The following ZNF251 variants were observed in gnomAD, a reference collection of about 807,000 sequenced individuals.
The protein encoded by ZNF251 is zinc finger protein 251.
ZNF251 carries 14 observed loss-of-function variants against 13.5 expected under a neutral mutation model. That is an observed-to-expected ratio of 1.04 (90% CI 0.69 to 1.63). ZNF251 has a LOEUF of 1.63. Among genes scored for constraint, ZNF251 ranks in the 40% most tolerant of loss-of-function variants. The pLI, the probability that ZNF251 is intolerant of heterozygous loss-of-function variation, is 0.00. For missense variants in ZNF251, 764 were observed against 834.9 expected (o/e 0.92, Z 1.05); for synonymous variants, 287 against 295.2 (o/e 0.97, Z 0.28).
At chr8:144,726,194 C>CAAA (rs35542133) in intron 4 of ZNF251, among the ~76,000 whole-genome samples, 452 of 51,856 alleles carry the variant, frequency 8.7e-3, no homozygotes, top group Non-Finnish European at 9.8e-3. Context: ...GACTCTGTCT[C>CAAA]AAAAAAAAAA....
rs1398609465 is a variant in ZNF251 at position 144,755,410 on chromosome 8, T to C, written c.-81A>G. ...CTGGTCCGACACTGCCCCACCTGTTTGCTCGACCCGGGGAAGCCACCGAGG... is the reference window on the plus strand; with the variant it reads ...CTGGTCCGACACTGCCCCACCTGTTCGCTCGACCCGGGGAAGCCACCGAGG... On this transcript the variant is annotated 5_prime_UTR_variant, in exon 1 of 5. Transcript: ENST00000292562. 3.9e-6 allele frequency: 5 copies of C among 1,288,210 alleles called. No individual in the cohort carries two copies. The African/African-American group carries it at 7.6e-5, about 20-fold the overall frequency. 79.8% of individuals were successfully genotyped at this position (1,288,210 alleles called of 1,614,324 possible).
intron 4 of ZNF251, among the ~76,000 whole-genome samples, chr8:144,749,751 A>T (rs1026502339): frequency 6.6e-6 from 1 of 152,162 alleles, no homozygotes; most frequent in African/African-American, 2.4e-5. Flanking sequence ...GTCCACTTTC[A>T]AATAACAATC....
At chr8:144,747,353 A>AGT (rs148034095) in intron 4 of ZNF251, among the ~76,000 whole-genome samples, 5,528 of 152,272 alleles carry the variant, frequency 0.036, 340 homozygotes, top group African/African-American at 0.13. Context: ...AGTATGTTAA[A>AGT]GTGTTTTGTG....
intron 4 of ZNF251, among the ~76,000 whole-genome samples, chr8:144,741,123 C>T (rs1313966440): frequency 1.3e-5 from 2 of 152,188 alleles, no homozygotes; most frequent in Admixed American, 6.5e-5. Flanking sequence ...GCATCGCAAA[C>T]GCAGACGGGC....
In ZNF251 at chr8:144,755,388, G is replaced by C; in HGVS notation, c.-76+17C>G. 7.8e-7 allele frequency: 1 copy of C among 1,288,174 alleles called. No individual in the cohort carries two copies. The highest frequency in any genetic ancestry group is 3.0e-4 in the Middle Eastern group (1 of 3,312). 79.8% of individuals were successfully genotyped at this position (1,288,174 alleles called of 1,614,324 possible). On this transcript the variant is annotated intron_variant, in intron 1 of 4. Coordinates refer to ENST00000292562, the MANE Select transcript of ZNF251 (RefSeq NM_138367.2). ...CCTGCCCGCTTGGCGCTCCTTCCTGGTCCGACACTGCCCCACCTGTTTGCT... is the reference window on the plus strand; with the variant it reads ...CCTGCCCGCTTGGCGCTCCTTCCTGCTCCGACACTGCCCCACCTGTTTGCT...
chr8:144,737,764 A>G (rs1037531934), intron 4 of ZNF251, among the ~76,000 whole-genome samples: 47 of 144,472 alleles, frequency 3.3e-4, no homozygotes, highest in African/African-American at 5.9e-4. Context: ...CCCGGGAGGC[A>G]GAGCTTGCAG....
chr8:144,722,278 TA>T lies in ZNF251; in HGVS notation c.1381del (p.Tyr461ThrfsTer126). Reference protein sequence around the residue: ...HRRVHTGEKPYQCVECGKAFS... With the variant: ...HRRVHTGEKPXQCVECGKAFS... ...AGCTTTCCCACATTCAACGCACTGGTAGGGCTTCTCCCCAGTGTGAACTCTT... is the reference window on the plus strand; with the variant it reads ...AGCTTTCCCACATTCAACGCACTGGTGGGCTTCTCCCCAGTGTGAACTCTT... On this transcript the variant is annotated frameshift_variant, in exon 5 of 5. Coordinates refer to ENST00000292562, the MANE Select transcript of ZNF251 (RefSeq NM_138367.2). LOFTEE classifies it low-confidence loss of function (END_TRUNC). This position sits in a 1 kb window ranked among gnomAD's most constrained non-coding sequence, Gnocchi z 4.8. The T allele has an allele frequency of 6.2e-7, 1 of 1,613,758 alleles. No homozygotes were observed. Among genetic ancestry groups the T allele is most frequent in the Non-Finnish European group, 8.5e-7 (1 of 1,179,912 alleles).
chr8:144,749,491 T>TA (rs752069646), intron 4 of ZNF251, among the ~76,000 whole-genome samples: 11 of 150,276 alleles, frequency 7.3e-5, no homozygotes, highest in East Asian at 3.9e-4. Flanking sequence ...CTCAAAAAAA[T>TA]AAAAAAAAAA....
chr8:144,753,658 G>C, intron 4 of ZNF251, 25 bp downstream of exon 4: 1 of 1,541,158 alleles, frequency 6.5e-7, no homozygotes. Flanking sequence ...GCTGCTCCCA[G>C]GATTAGCATC....
At chr8:144,738,681 C>T (rs1450941850) in intron 4 of ZNF251, 8 of 985,202 alleles carry the variant, frequency 8.1e-6, no homozygotes, top group Admixed American at 6.1e-5. Flanking sequence ...ACAGTTCTCT[C>T]GTTCAAGGCA....
At position 144,721,776 on chromosome 8, in the gene ZNF251, C is replaced by T; in HGVS notation, c.1884G>A (p.Gly628=). ...GQKPCHCSVY[G]KAFSQSSQLT... Reference sequence around the variant, plus strand: ...GCTGTGAACTCTGGCTGAAGGCTTTCCCATACACACTGCAATGACATGGTT... The same window carrying T: ...GCTGTGAACTCTGGCTGAAGGCTTTTCCATACACACTGCAATGACATGGTT... Residue 628 remains glycine (G), a synonymous_variant, in exon 5 of 5, where the codon GGG becomes GGA. Coordinates refer to ENST00000292562, the MANE Select transcript of ZNF251 (RefSeq NM_138367.2). 1 of 1,475,936 alleles carries T rather than the reference C, an allele frequency of 6.8e-7. No individual in the cohort carries two copies. Among genetic ancestry groups the T allele is most frequent in the East Asian group, 2.3e-5 (1 of 43,502 alleles). 91.4% of individuals were successfully genotyped at this position (1,475,936 alleles called of 1,614,324 possible). A position where few individuals can be genotyped will look rare whatever the true frequency, so the allele number is the denominator to read the frequency against.
intron 4 of ZNF251, among the ~76,000 whole-genome samples, chr8:144,724,116 C>A (rs989297526): frequency 6.6e-6 from 1 of 151,938 alleles, no homozygotes; most frequent in African/African-American, 2.4e-5. Context: ...AGGTGGCAGG[C>A]GCCCGTAGTC....
intron 4 of ZNF251, among the ~76,000 whole-genome samples, chr8:144,729,160 T>A (rs952712035): frequency 6.6e-6 from 1 of 150,852 alleles, no homozygotes; most frequent in Admixed American, 6.6e-5. Flanking sequence ...AAATGAAGTG[T>A]GCCTGACCTA....
intron 4 of ZNF251, among the ~76,000 whole-genome samples, chr8:144,749,892 T>C (rs1416409123): frequency 6.6e-6 from 1 of 150,812 alleles, no homozygotes; most frequent in Non-Finnish European, 1.5e-5. Context: ...TTCTTTTTTT[T>C]TTTTTTTTAA....
intron 4 of ZNF251, among the ~76,000 whole-genome samples, chr8:144,725,875 ACAT>A (rs1208092017): frequency 6.6e-6 from 1 of 152,210 alleles, no homozygotes; most frequent in Non-Finnish European, 1.5e-5. Flanking sequence ...CAAGGATAAC[ACAT>A]CATCAACAAG....
chr8:144,745,796 GC>G (rs1824399496), intron 4 of ZNF251, among the ~76,000 whole-genome samples: 1 of 152,002 alleles, frequency 6.6e-6, no homozygotes, highest in African/African-American at 2.4e-5. Flanking sequence ...CGATCCTCCT[GC>G]CTTAGCCTCC....
At chr8:144,729,461 C>G (rs919221980) in intron 4 of ZNF251, among the ~76,000 whole-genome samples, 1 of 151,180 alleles carries the variant, frequency 6.6e-6, no homozygotes, top group Admixed American at 6.6e-5. Flanking sequence ...CTCAGCCTCC[C>G]GAGTAGCTGG....
rs545712629 is a variant in ZNF251, at chr8:144,732,797, G to C, written c.278-9415C>G. 4.8e-3 allele frequency among the ~76,000 whole-genome samples: 644 copies of C among 132,976 alleles called. 4 individuals carry two copies. The highest frequency in any genetic ancestry group is 5.5e-3 in the Non-Finnish European group (353 of 64,190). The allele number at this position is 132,976 out of a possible 152,430, so 87.2% of individuals were successfully genotyped here. ...ACTGCACTCCAGCCTGGGCGACAGA[G>C]CGAGACTCCGTCTCAAAAAAAAAAA... On this transcript the variant is annotated intron_variant, in intron 4 of 4. Transcript: ENST00000292562.
chr8:144,730,988 C>T (rs1302864731), intron 4 of ZNF251, among the ~76,000 whole-genome samples: 1 of 152,186 alleles, frequency 6.6e-6, no homozygotes, highest in Non-Finnish European at 1.5e-5. Flanking sequence ...CACTGTGTCG[C>T]GCAGACACAT....
Sources: allele counts gnomAD v4.1 joint callset (sites outside exome capture counted in the v4.1 genomes callset), GRCh38; gene constraint gnomAD v4.1.1; non-coding constraint Gnocchi (gnomAD v3.1); transcripts MANE v1.5; gene names NCBI Gene and HGNC (gene_info 2026-07-23, HGNC 2026-07-21).